GRID2: variants seen among roughly 807,000 people sequenced by gnomAD.
GRID2 encodes the protein glutamate ionotropic receptor delta type subunit 2.
GRID2 carries 33 observed loss-of-function variants against 114.8 expected under a neutral mutation model. That is an observed-to-expected ratio of 0.29 (90% CI 0.22 to 0.38). The LOEUF (loss-of-function observed/expected upper bound fraction) is 0.38. Ranked by LOEUF, GRID2 falls within the 10% of genes least tolerant of loss-of-function variation. The pLI is 1.00. For synonymous variants in GRID2, 505 were observed against 449.9 expected (o/e 1.12, Z -1.55); for missense variants, 1,184 against 1,257.7 (o/e 0.94, Z 0.89).
intron 2 of GRID2, among the ~76,000 whole-genome samples, chr4:93,022,891 C>G (rs1723516231): frequency 1.3e-5 from 2 of 151,680 alleles, no homozygotes; most frequent in Non-Finnish European, 1.5e-5. Flanking sequence ...AAAAAAAATT[C>G]ACTTGTGTCG....
intron 9 of GRID2, among the ~76,000 whole-genome samples, chr4:93,400,787 C>G (rs969756886): frequency 6.6e-6 from 1 of 152,034 alleles, no homozygotes; most frequent in Admixed American, 6.6e-5. Flanking sequence ...CATACATTCA[C>G]TCATGAATTC....
chr4:93,568,144 G>A (rs1191818165), intron 13 of GRID2, among the ~76,000 whole-genome samples: 5 of 152,164 alleles, frequency 3.3e-5, no homozygotes, highest in Admixed American at 1.3e-4. Context: ...CTATAAGGTA[G>A]GAATTAGAAT....
intron 14 of GRID2, among the ~76,000 whole-genome samples, chr4:93,756,943 C>T (rs949645958): frequency 1.3e-5 from 2 of 152,098 alleles, no homozygotes; most frequent in African/African-American, 4.8e-5. Context: ...GAAAAACATG[C>T]ATCAAATATA....
intron 1 of GRID2, among the ~76,000 whole-genome samples, chr4:92,472,198 G>GTTT (rs1329531373): frequency 6.6e-5 from 4 of 60,956 alleles, no homozygotes; most frequent in African/African-American, 1.9e-4. Flanking sequence ...CTCCCAAAGT[G>GTTT]CTGGGATTAC....
intron 2 of GRID2, among the ~76,000 whole-genome samples, chr4:92,929,080 T>A (rs994149192): frequency 2.6e-5 from 4 of 151,490 alleles, no homozygotes; most frequent in African/African-American, 9.7e-5. Flanking sequence ...TCTTTTTATG[T>A]TTATTTCATT....
rs1013673832 is a variant in GRID2, at chr4:93,084,927, T to C, written c.245-68T>C. Reference sequence around the variant, plus strand: ...AAATCTGTAAGCTTTATCCATCCAGTGCTTCTCAAAAAGGGAAAACTATGT... The same window carrying C: ...AAATCTGTAAGCTTTATCCATCCAGCGCTTCTCAAAAAGGGAAAACTATGT... On this transcript the variant is annotated intron_variant, in intron 2 of 15. Coordinates refer to ENST00000282020, the MANE Select transcript of GRID2 (RefSeq NM_001510.4). The C allele has an allele frequency of 7.9e-5, 96 of 1,220,992 alleles. 1 individual carries two copies. In the African/African-American group the frequency reaches 1.2e-3, roughly 16 times the overall value. 75.6% of individuals were successfully genotyped at this position (1,220,992 alleles called of 1,614,324 possible).
At chr4:92,624,803 C>T (rs1446917664) in intron 2 of GRID2, among the ~76,000 whole-genome samples, 8 of 151,544 alleles carry the variant, frequency 5.3e-5, no homozygotes, top group Non-Finnish European at 1.0e-4. Context: ...CATACAGAAA[C>T]CTACTATGAA....
chr4:93,006,995 T>C (rs907085319), intron 2 of GRID2, among the ~76,000 whole-genome samples: 1 of 151,978 alleles, frequency 6.6e-6, no homozygotes, highest in Non-Finnish European at 1.5e-5. Flanking sequence ...AAAAATTATA[T>C]TTCTAATCAG....
At chr4:93,458,988 C>T (rs185383862) in intron 11 of GRID2, among the ~76,000 whole-genome samples, 2,105 of 151,260 alleles carry the variant, frequency 0.014, 17 homozygotes, top group South Asian at 0.055. Flanking sequence ...GAGACCAGCC[C>T]GGCCAACATG....
intron 9 of GRID2, among the ~76,000 whole-genome samples, chr4:93,416,207 A>G (rs1188032020): frequency 6.6e-6 from 1 of 151,854 alleles, no homozygotes; most frequent in African/African-American, 2.4e-5. Flanking sequence ...CAAATTCCAT[A>G]CCATTGGCCT....
chr4:92,393,104 C>G, intron 1 of GRID2, among the ~76,000 whole-genome samples: 1 of 151,946 alleles, frequency 6.6e-6, no homozygotes. Context: ...AAAGCAGGAG[C>G]AAGAAAGAGG....
intron 1 of GRID2, among the ~76,000 whole-genome samples, chr4:92,505,138 A>C (rs1426572477): frequency 6.6e-6 from 1 of 152,044 alleles, no homozygotes; most frequent in Non-Finnish European, 1.5e-5. Flanking sequence ...GAATAGCCTC[A>C]TAAAACGCAG....
intron 2 of GRID2, among the ~76,000 whole-genome samples, chr4:92,629,687 C>T (rs1314827853): frequency 6.6e-6 from 1 of 151,448 alleles, no homozygotes; most frequent in African/African-American, 2.4e-5. Flanking sequence ...ATGGGTTCTA[C>T]ACATGTATAA....
intron 13 of GRID2, among the ~76,000 whole-genome samples, chr4:93,590,730 G>A (rs1052966804): frequency 2.0e-5 from 3 of 151,976 alleles, no homozygotes; most frequent in African/African-American, 4.8e-5. Context: ...TTTTATTTCC[G>A]TGAGCAGCGG....
chr4:92,830,046 A>G (rs938319069), intron 2 of GRID2, among the ~76,000 whole-genome samples: 2 of 151,856 alleles, frequency 1.3e-5, no homozygotes, highest in South Asian at 2.1e-4. Context: ...ATATATACCT[A>G]TGCAACAAAT....
intron 5 of GRID2, among the ~76,000 whole-genome samples, chr4:93,215,878 C>T (rs932564739): frequency 5.3e-5 from 8 of 151,738 alleles, no homozygotes; most frequent in Admixed American, 1.3e-4. Context: ...TTTCTGTTGC[C>T]GTAAAAATTG....
At chr4:93,748,570 G>A (rs1226305680) in intron 14 of GRID2, among the ~76,000 whole-genome samples, 3 of 152,140 alleles carry the variant, frequency 2.0e-5, no homozygotes, top group East Asian at 1.9e-4. Flanking sequence ...TAAGAAAAAC[G>A]CCTGAAGGCA....
At chr4:92,641,986 T>C (rs1731377245) in intron 2 of GRID2, among the ~76,000 whole-genome samples, 1 of 151,342 alleles carries the variant, frequency 6.6e-6, no homozygotes, top group Admixed American at 6.6e-5. Context: ...GACTGTGTAG[T>C]ATTAGATGTT....
At chr4:93,182,121 C>A (rs1484370961) in intron 4 of GRID2, among the ~76,000 whole-genome samples, 1 of 152,138 alleles carries the variant, frequency 6.6e-6, no homozygotes, top group Non-Finnish European at 1.5e-5. Flanking sequence ...GTAAAAATTA[C>A]ATTTTTAGTG....
Sources: gnomAD v4.1 joint callset for allele counts (sites outside exome capture counted in the v4.1 genomes callset) on GRCh38, gnomAD v4.1.1 for gene constraint, MANE v1.5 for transcripts, NCBI Gene and HGNC (gene_info 2026-07-23, HGNC 2026-07-21) for gene names.